ANKS1B: variants seen among roughly 807,000 people sequenced by gnomAD.
ANKS1B encodes the protein ankyrin repeat and sterile alpha motif domain-containing protein 1B.
A neutral mutation model predicts 148.3 loss-of-function variants in ANKS1B; 36 were observed. That is an observed-to-expected ratio of 0.24 (90% CI 0.19 to 0.32). ANKS1B has a LOEUF of 0.32. Ranked by LOEUF, ANKS1B falls within the 10% of genes least tolerant of loss-of-function variation. The pLI is 1.00. For missense variants in ANKS1B, 1,157 were observed against 1,542.6 expected, an observed-to-expected ratio of 0.75 and a Z score of 4.19; for synonymous variants, 542 against 560.8, an observed-to-expected ratio of 0.97 and a Z score of 0.47.
rs1347276393 is a variant in ANKS1B, at chr12:98,839,890, CAT to C, written c.2779-7756_2779-7755del. Among the ~76,000 whole-genome samples, 4 of 152,304 alleles carry C rather than the reference CAT, an allele frequency of 2.6e-5. No individual in the cohort carries two copies. In the East Asian group the frequency reaches 5.8e-4, roughly 22 times the overall value. ...TGTGGTCTACCCTGTGCTGTTGACA[CAT>C]GATACATCCTGGTGGGTATAGCTAA... On this transcript the variant is annotated intron_variant, in intron 17 of 26. Transcript: ENST00000683438.
intron 8 of ANKS1B, among the ~76,000 whole-genome samples, chr12:99,675,193 T>C (rs1031618153): frequency 2.6e-5 from 4 of 152,040 alleles, no homozygotes; most frequent in African/African-American, 9.6e-5. Flanking sequence ...TTAAAAAGTT[T>C]CTTCTCTTTC....
intron 10 of ANKS1B, among the ~76,000 whole-genome samples, chr12:99,455,167 A>G (rs1480246976): frequency 6.6e-6 from 1 of 151,972 alleles, no homozygotes; most frequent in Non-Finnish European, 1.5e-5. Flanking sequence ...CTTTCTATTC[A>G]TTCCAAAATT....
intron 10 of ANKS1B, among the ~76,000 whole-genome samples, chr12:99,463,487 C>T (rs2096025918): frequency 6.6e-6 from 1 of 152,212 alleles, no homozygotes; most frequent in South Asian, 2.1e-4. Context: ...CAGGGCGAGG[C>T]ATTGCCTCAC....
chr12:99,073,746 C>T (rs1168137700), intron 16 of ANKS1B, among the ~76,000 whole-genome samples: 2 of 152,156 alleles, frequency 1.3e-5, no homozygotes, highest in Non-Finnish European at 2.9e-5. Context: ...TAAATGATTC[C>T]TGTTCTTGCT....
chr12:99,570,134 A>T (rs950049194), intron 9 of ANKS1B, among the ~76,000 whole-genome samples: 9 of 152,126 alleles, frequency 5.9e-5, no homozygotes, highest in African/African-American at 2.4e-5. Flanking sequence ...ATGTTTAACA[A>T]GCAGCTGGAA....
At chr12:99,920,939 G>A (rs1390544811) in intron 1 of ANKS1B, among the ~76,000 whole-genome samples, 1 of 152,146 alleles carries the variant, frequency 6.6e-6, no homozygotes, top group African/African-American at 2.4e-5. Context: ...GACAGACCTA[G>A]AAATAATGTT....
intron 12 of ANKS1B, among the ~76,000 whole-genome samples, chr12:99,398,284 C>T (rs747795353): frequency 6.6e-6 from 1 of 152,052 alleles, no homozygotes; most frequent in Non-Finnish European, 1.5e-5. Flanking sequence ...AATTCTCTGA[C>T]TATATTTCCA....
At chr12:99,081,492 ATTAACCATC>A (rs2049759694) in intron 16 of ANKS1B, among the ~76,000 whole-genome samples, 1 of 152,214 alleles carries the variant, frequency 6.6e-6, no homozygotes, top group Non-Finnish European at 1.5e-5. Flanking sequence ...AAATGACACT[ATTAACCATC>A]TGAAGATCGG....
intron 9 of ANKS1B, among the ~76,000 whole-genome samples, chr12:99,512,152 G>A (rs1361428363): frequency 6.6e-6 from 1 of 152,002 alleles, no homozygotes; most frequent in Non-Finnish European, 1.5e-5. Context: ...TAAAATTTTT[G>A]CAATCTATCC....
At chr12:98,851,794 G>C (rs570677918) in intron 17 of ANKS1B, among the ~76,000 whole-genome samples, 15 of 152,058 alleles carry the variant, frequency 9.9e-5, no homozygotes, top group Admixed American at 2.6e-4. Context: ...GGGAGGCTGA[G>C]GTGGGTGGAT....
intron 12 of ANKS1B, among the ~76,000 whole-genome samples, chr12:99,347,672 A>G (rs2090896025): frequency 6.6e-6 from 1 of 152,066 alleles, no homozygotes; most frequent in Admixed American, 6.6e-5. Flanking sequence ...AAAAATTAGA[A>G]AAGTCACTAA....
intron 17 of ANKS1B, among the ~76,000 whole-genome samples, chr12:98,865,618 T>C (rs1187883694): frequency 6.6e-6 from 1 of 152,020 alleles, no homozygotes; most frequent in Non-Finnish European, 1.5e-5. Flanking sequence ...AAATAGAGCA[T>C]GAAAAGGGTG....
At chr12:98,884,805 CAAAAAA>C (rs35160751) in intron 17 of ANKS1B, among the ~76,000 whole-genome samples, 2 of 83,826 alleles carry the variant, frequency 2.4e-5, no homozygotes, top group African/African-American at 4.6e-5. Flanking sequence ...GACTCCGTCT[CAAAAAA>C]AAAAAAAAAA....
rs146514118 is a variant in ANKS1B at position 99,731,117 on chromosome 12, A to C, written c.1128+41805T>G. Reference sequence around the variant, plus strand: ...CACCACACCTGGCTAATTTTGTTTTATGTTTATTTGTTTGTTTTTGAGAAA... The same window carrying C: ...CACCACACCTGGCTAATTTTGTTTTCTGTTTATTTGTTTGTTTTTGAGAAA... On this transcript the variant is annotated intron_variant, in intron 8 of 26. Transcript: ENST00000683438. 1.5e-3 allele frequency among the ~76,000 whole-genome samples: 226 copies of C among 147,220 alleles called. 1 individual carries two copies. Among genetic ancestry groups the C allele is most frequent in the African/African-American group, 5.5e-3 (218 of 39,772 alleles).
chr12:99,964,483 C>T (rs2095459830), intron 1 of ANKS1B, among the ~76,000 whole-genome samples: 1 of 152,140 alleles, frequency 6.6e-6, no homozygotes, highest in Non-Finnish European at 1.5e-5. Flanking sequence ...TAGGTGTCCA[C>T]ATCAGAGGAA....
chr12:99,117,149 G>A (rs1472698858), intron 15 of ANKS1B, among the ~76,000 whole-genome samples: 1 of 152,172 alleles, frequency 6.6e-6, no homozygotes, highest in Non-Finnish European at 1.5e-5. Flanking sequence ...TCTGCAAACA[G>A]ACAGTTTGAC....
chr12:99,032,580 G>A (rs2099952915), intron 17 of ANKS1B, among the ~76,000 whole-genome samples: 1 of 152,162 alleles, frequency 6.6e-6, no homozygotes, highest in Non-Finnish European at 1.5e-5. Flanking sequence ...AATCCAAGAT[G>A]ATCTGATCTT....
intron 1 of ANKS1B, among the ~76,000 whole-genome samples, chr12:99,863,532 G>A (rs140315968): frequency 1.7e-4 from 26 of 151,446 alleles, no homozygotes; most frequent in African/African-American, 5.8e-4. Flanking sequence ...TGGCTAACAC[G>A]GTGAAATCCC....
intron 17 of ANKS1B, among the ~76,000 whole-genome samples, chr12:99,010,901 GTT>G (rs1309326368): frequency 1.4e-4 from 7 of 51,294 alleles, no homozygotes; most frequent in African/African-American, 9.3e-5. Flanking sequence ...GTGAGCTTTT[GTT>G]TTTTTTTTTT....
Sources: allele counts gnomAD v4.1 joint callset (sites outside exome capture counted in the v4.1 genomes callset), GRCh38; gene constraint gnomAD v4.1.1; transcripts MANE v1.5; gene names NCBI Gene and HGNC (gene_info 2026-07-23, HGNC 2026-07-21).